The following TP63 variants were observed in gnomAD, a reference collection of about 807,000 sequenced individuals.
TP63 encodes the protein tumor protein 63.
Under a neutral mutation model 82.8 loss-of-function variants are expected in TP63, and 17 were observed. The observed-to-expected ratio is 0.21, with a 90% confidence interval of 0.14 to 0.31. The LOEUF (loss-of-function observed/expected upper bound fraction) is 0.31, where lower values mean the gene tolerates loss of function less well. Among genes scored for constraint, TP63 ranks in the 10% least tolerant of loss-of-function variants. The pLI, the probability that TP63 is intolerant of heterozygous loss-of-function variation, is 1.00. For synonymous variants in TP63, 330 were observed against 321.7 expected, an observed-to-expected ratio of 1.03 and a Z score of -0.28; for missense variants, 648 against 895.3, an observed-to-expected ratio of 0.72 and a Z score of 3.52.
rs145957978 is a variant in TP63, at chr3:189,725,530, T to A, written c.63-12210T>A. On this transcript the variant is annotated intron_variant, in intron 1 of 13. Coordinates refer to ENST00000264731, the MANE Select transcript of TP63 (RefSeq NM_003722.5). ...TAAAGTACATTTTAAAGACTCTGAT[T>A]TAAGCTATTTTACTACCAAGAGTTG... Among the ~76,000 whole-genome samples the A allele has an allele frequency of 1.9e-3, 286 of 152,258 alleles. 1 individual carries two copies. The highest frequency in any genetic ancestry group is 6.6e-3 in the African/African-American group (274 of 41,560).
At chr3:189,866,532 A>G (rs537929384) in intron 5 of TP63, 150 bp from the exon 6 acceptor site, 1 of 696,764 alleles carries the variant, frequency 1.4e-6, no homozygotes, top group Non-Finnish European at 2.5e-6. Flanking sequence ...ATATCTGGCT[A>G]TGGGATCTGT....
chr3:189,670,831 C>G (rs1714826855), intron 1 of TP63, among the ~76,000 whole-genome samples: 1 of 152,030 alleles, frequency 6.6e-6, no homozygotes, highest in Non-Finnish European at 1.5e-5. Context: ...ATAAATAGTA[C>G]TGGGAAAGCC....
At chr3:189,667,217 G>A (rs1033757252) in intron 1 of TP63, among the ~76,000 whole-genome samples, 1 of 148,092 alleles carries the variant, frequency 6.8e-6, no homozygotes, top group African/African-American at 2.5e-5. Context: ...TGTCACCCAG[G>A]CGAGAGTAGT....
At chr3:189,836,154 G>T (rs952508825) in intron 4 of TP63, among the ~76,000 whole-genome samples, 14 of 152,146 alleles carry the variant, frequency 9.2e-5, no homozygotes, top group Middle Eastern at 3.4e-3. Flanking sequence ...TCAGGAAACT[G>T]TTAATTTTGG....
chr3:189,810,271 A>G (rs976933648), intron 4 of TP63, among the ~76,000 whole-genome samples: 18 of 152,180 alleles, frequency 1.2e-4, no homozygotes, highest in Admixed American at 1.1e-3. Flanking sequence ...CTAAAGAGCC[A>G]CTAGAATAAC....
At chr3:189,614,945 T>C in the TP63 span, among the ~76,000 whole-genome samples, 1 of 152,158 alleles carries the variant, frequency 6.6e-6, no homozygotes, top group Non-Finnish European at 1.5e-5. Context: ...TGGAATGCAT[T>C]CACAAAGTAG....
At chr3:189,880,254 TGC>T in intron 10 of TP63, 2 of 1,502,562 alleles carry the variant, frequency 1.3e-6, no homozygotes. Flanking sequence ...TGTATGTGTG[TGC>T]GTGTGTATCT....
chr3:189,817,846 T>G (rs909477749), intron 4 of TP63, among the ~76,000 whole-genome samples: 9 of 151,980 alleles, frequency 5.9e-5, no homozygotes, highest in African/African-American at 1.9e-4. Flanking sequence ...ATTCGTAACA[T>G]TTTTGCAGAA....
chr3:189,865,930 A>G (rs1717669635), intron 5 of TP63, among the ~76,000 whole-genome samples: 1 of 152,246 alleles, frequency 6.6e-6, no homozygotes, highest in Non-Finnish European at 1.5e-5. Flanking sequence ...GCAGCAGAGA[A>G]CATTTTGATA....
chr3:189,684,569 T>A (rs529671191), intron 1 of TP63, among the ~76,000 whole-genome samples: 1 of 152,074 alleles, frequency 6.6e-6, no homozygotes, highest in Non-Finnish European at 1.5e-5. Context: ...AGAAATATGA[T>A]GCCTATTAGT....
chr3:189,713,351 A>G (rs1009928976), intron 1 of TP63, among the ~76,000 whole-genome samples: 5 of 152,196 alleles, frequency 3.3e-5, no homozygotes, highest in African/African-American at 9.7e-5. Context: ...ACACATGAGC[A>G]TCTGGTTTTG....
chr3:189,661,920 T>C (rs1409492159), intron 1 of TP63, among the ~76,000 whole-genome samples: 2 of 152,092 alleles, frequency 1.3e-5, no homozygotes, highest in African/African-American at 4.8e-5. Context: ...AATGCCACCA[T>C]TGTATTTTTG....
In TP63 at chr3:189,889,420, T is replaced by C. The variant is rs757636242; in HGVS notation, c.1588T>C (p.Ser530Pro). The C allele has an allele frequency of 1.9e-6, 3 of 1,613,788 alleles. No homozygotes were observed. The highest frequency in any genetic ancestry group is 2.5e-6 in the Non-Finnish European group (3 of 1,179,920). Residue 530 changes from serine (S) to proline (P), a missense_variant, in exon 12 of 14, where the codon TCC (serine) becomes CCC (proline). Physicochemically the swap from Ser to Pro is moderately conservative, Grantham distance 74. Transcript: ENST00000264731. ...SPTQALPPPL[S>P]MPSTSHCTPP... ...CACCCAGGCACTCCCTCCCCCACTC[T>C]CCATGCCATCCACCTCCCACTGCAC...
chr3:189,613,232 G>T, the TP63 span, among the ~76,000 whole-genome samples: 1 of 152,192 alleles, frequency 6.6e-6, no homozygotes, highest in Non-Finnish European at 1.5e-5. Flanking sequence ...CTGGGCCCAG[G>T]GTCCCTGCAC....
chr3:189,693,934 C>T (rs1279273289), intron 1 of TP63, among the ~76,000 whole-genome samples: 1 of 152,076 alleles, frequency 6.6e-6, no homozygotes, highest in African/African-American at 2.4e-5. Context: ...CTCAACAACA[C>T]CGTTTTAGTG....
chr3:189,844,066 A>C, intron 4 of TP63: 1 of 201,004 alleles, frequency 5.0e-6, no homozygotes, highest in Non-Finnish European at 1.0e-5. Context: ...CACCCCCCCT[A>C]CTTTTTATTT....
chr3:189,775,247 GA>G (rs1335871745), intron 3 of TP63, among the ~76,000 whole-genome samples: 1 of 136,302 alleles, frequency 7.3e-6, no homozygotes, highest in African/African-American at 2.7e-5. Flanking sequence ...AAAAAAGAAA[GA>G]AAGAAAGAAA....
At chr3:189,766,564 C>T (rs1722974851) in intron 3 of TP63, among the ~76,000 whole-genome samples, 1 of 151,820 alleles carries the variant, frequency 6.6e-6, no homozygotes, top group Non-Finnish European at 1.5e-5. Flanking sequence ...AACATGCTGC[C>T]TCTGTCTTCC....
At chr3:189,814,393 T>C (rs1335210214) in intron 4 of TP63, among the ~76,000 whole-genome samples, 1 of 152,194 alleles carries the variant, frequency 6.6e-6, no homozygotes, top group Non-Finnish European at 1.5e-5. Flanking sequence ...TACAATTCAG[T>C]GGCTGTTAGA....
Sources: allele counts gnomAD v4.1 joint callset (sites outside exome capture counted in the v4.1 genomes callset), GRCh38; gene constraint gnomAD v4.1.1; transcripts MANE v1.5; gene names NCBI Gene and HGNC (gene_info 2026-07-23, HGNC 2026-07-21).